The following RNASEH2A variants were observed in gnomAD, a reference collection of about 807,000 sequenced individuals.
RNASEH2A encodes ribonuclease H2 subunit A.
RNASEH2A carries 30 observed loss-of-function variants against 32.7 expected under a neutral mutation model. That is an observed-to-expected ratio of 0.92 (90% CI 0.69 to 1.25). The LOEUF (loss-of-function observed/expected upper bound fraction) is 1.25. Among genes scored for constraint, RNASEH2A ranks in the 50% most tolerant of loss-of-function variants. RNASEH2A has a pLI of 0.00. For synonymous variants in RNASEH2A, 147 were observed against 165.4 expected (o/e 0.89, Z 0.86); for missense variants, 409 against 398.1 (o/e 1.03, Z -0.23).
At chr19:12,807,651 G>T in intron 4 of RNASEH2A, 145 bp downstream of exon 4, 1 of 775,176 alleles carries the variant, frequency 1.3e-6, no homozygotes, top group Non-Finnish European at 2.2e-6. Flanking sequence ...AAAAATGGAG[G>T]CAGGGCGCAG....
In RNASEH2A at chr19:12,810,153, A is replaced by G; in HGVS notation, c.494A>G (p.Lys165Arg). The change falls in exon 5 of 8, where the codon AAG (lysine) becomes AGG (arginine). Residue 165 changes from lysine (K) to arginine (R), a missense_variant. By Grantham distance (26) the Lys-to-Arg change is conservative. Coordinates refer to ENST00000221486, the MANE Select transcript of RNASEH2A (RefSeq NM_006397.3). ...QSFPGIEVTVKAKADALYPVV... is the reference protein window; with the variant it reads ...QSFPGIEVTVRAKADALYPVV... Reference sequence around the variant, plus strand: ...TTTCCCGGGATTGAGGTGACGGTCAAGGCCAAAGCAGATGCCCTCTACCCG... The same window carrying G: ...TTTCCCGGGATTGAGGTGACGGTCAGGGCCAAAGCAGATGCCCTCTACCCG... The G allele has an allele frequency of 6.2e-7, 1 of 1,614,244 alleles. No individual in the cohort carries two copies. The highest frequency in any genetic ancestry group is 1.1e-5 in the South Asian group (1 of 91,086).
At chr19:12,807,350 G>A (rs774243728) in intron 3 of RNASEH2A, 21 bp downstream of exon 3, 1 of 1,614,052 alleles carries the variant, frequency 6.2e-7, no homozygotes, top group Non-Finnish European at 8.5e-7. Flanking sequence ...CCCGGGAGGG[G>A]CAGCCAGCAT....
intron 4 of RNASEH2A, among the ~76,000 whole-genome samples, chr19:12,809,270 A>C (rs1969039222): frequency 6.6e-6 from 1 of 152,218 alleles, no homozygotes; most frequent in African/African-American, 2.4e-5. Context: ...CAAAAAATAA[A>C]GGTTGTTTCT....
intron 3 of RNASEH2A, 41 bp from the exon 4 acceptor site, chr19:12,807,378 T>C: frequency 1.2e-6 from 2 of 1,614,150 alleles, no homozygotes; most frequent in Non-Finnish European, 8.5e-7. Flanking sequence ...CCAAGCTTTG[T>C]TCCTAGAATG....
intron 1 of RNASEH2A, 56 bp from the exon 2 acceptor site, chr19:12,806,952 C>A: frequency 6.2e-7 from 1 of 1,608,040 alleles, no homozygotes; most frequent in Non-Finnish European, 8.5e-7. Context: ...TGGCAACTTT[C>A]ACGGGCTCAG....
chr19:12,812,539 A>C (rs1969088680), intron 6 of RNASEH2A, among the ~76,000 whole-genome samples: 2 of 152,102 alleles, frequency 1.3e-5, no homozygotes, highest in South Asian at 4.1e-4. Flanking sequence ...TTCAAAAAAT[A>C]AGTAAATAAA....
chr19:12,808,758 C>T (rs748364497), intron 4 of RNASEH2A, among the ~76,000 whole-genome samples: 2 of 152,116 alleles, frequency 1.3e-5, no homozygotes, highest in Non-Finnish European at 2.9e-5. Context: ...AAGAATGGAC[C>T]GTTCTGAGAG....
intron 6 of RNASEH2A, among the ~76,000 whole-genome samples, chr19:12,811,687 G>T (rs1969074052): frequency 6.6e-6 from 1 of 151,904 alleles, no homozygotes; most frequent in African/African-American, 2.4e-5. Context: ...GGAGGCTGAG[G>T]CAGGTGGATC....
chr19:12,810,246 C>G lies in RNASEH2A; in HGVS notation c.549+38C>G, dbSNP rs202114154. 3.9e-3 allele frequency: 6,308 copies of G among 1,614,170 alleles called. 18 individuals are homozygous for G. The highest frequency in any genetic ancestry group is 6.6e-3 in the Middle Eastern group (40 of 6,062). On this transcript the variant is annotated intron_variant, in intron 5 of 7. Transcript: ENST00000221486. ...CTAGCCATGGCTGGCTTCCACCATC[C>G]CACTATATAGGGGCCAGGCATGGCC...
intron 6 of RNASEH2A, among the ~76,000 whole-genome samples, chr19:12,812,776 G>T (rs543535702): frequency 1.3e-5 from 2 of 152,232 alleles, no homozygotes; most frequent in South Asian, 2.1e-4. Context: ...GGAGGCCGAG[G>T]GGGGTAGATC....
chr19:12,807,938 A>G (rs1432061737), intron 4 of RNASEH2A: 3 of 219,700 alleles, frequency 1.4e-5, no homozygotes, highest in Non-Finnish European at 2.8e-5. Context: ...TCTCAAAAAA[A>G]TAAAAAATAA....
At chr19:12,812,620 T>C (rs535699051) in intron 6 of RNASEH2A, among the ~76,000 whole-genome samples, 59 of 152,308 alleles carry the variant, frequency 3.9e-4, no homozygotes, top group Middle Eastern at 3.4e-3. Context: ...TGCACTGCCC[T>C]TTTAGCAGCT....
rs1969007258 is a variant in RNASEH2A at position 12,807,238 on chromosome 19, A to G, written c.232A>G (p.Arg78Gly). 1.9e-6 allele frequency: 3 copies of G among 1,614,186 alleles called. No individual in the cohort carries two copies. Among genetic ancestry groups the G allele is most frequent in the East Asian group, 2.2e-5 (1 of 44,884 alleles). Reference protein sequence around the residue: ...SKTLLESERERLFAKMEDTDF... With the variant: ...SKTLLESEREGLFAKMEDTDF... ...GACCCTATTGGAGAGCGAGCGGGAA[A>G]GGCTGTTTGCGAAAATGGAGGACAC... The change falls in exon 3 of 8, where the codon AGG (arginine) becomes GGG (glycine). Residue 78 changes from arginine to glycine, a missense_variant. Arg to Gly is a moderately radical substitution (Grantham distance 125). Coordinates refer to ENST00000221486, the MANE Select transcript of RNASEH2A (RefSeq NM_006397.3).
intron 1 of RNASEH2A, 55 bp from the exon 2 acceptor site, chr19:12,806,953 A>C: frequency 6.2e-7 from 1 of 1,608,422 alleles, no homozygotes; most frequent in Non-Finnish European, 8.5e-7. Flanking sequence ...GGCAACTTTC[A>C]CGGGCTCAGT....
In RNASEH2A at chr19:12,813,405, G is replaced by A. The variant is rs756346898; in HGVS notation, c.839G>A (p.Arg280His). 45 of 1,614,000 alleles carry A rather than the reference G, an allele frequency of 2.8e-5. No individual in the cohort carries two copies. Among genetic ancestry groups the A allele is most frequent in the Admixed American group, 2.7e-4 (16 of 59,972 alleles). ...TTCCTCAATGAAGGGTCCCAAGCCC[G>A]TCCCCGTTCTTCCCACCGATATTTC... is the stretch of plus-strand genomic sequence containing the variant. ...SYFLNEGSQA[R>H]PRSSHRYFLE... is the part of the protein sequence containing the mutation. The change falls in exon 8 of 8, where the codon CGT (arginine) becomes CAT (histidine). Residue 280 changes from arginine (R) to histidine (H), a missense_variant. Transcript: ENST00000221486.
In RNASEH2A at chr19:12,813,516, T is replaced by G; in HGVS notation, c.*50T>G. 6.2e-7 allele frequency: 1 copy of G among 1,606,776 alleles called. No individual in the cohort carries two copies. Among genetic ancestry groups the G allele is most frequent in the Non-Finnish European group, 8.5e-7 (1 of 1,179,604 alleles). ...GCTTCCCCAACCCAGACATTAAAAT[T>G]GTTTAAGGAGAACCACACGTAGGGG... On this transcript the variant is annotated 3_prime_UTR_variant, in exon 8 of 8. Transcript: ENST00000221486.
At position 12,813,459 on chromosome 19, in the gene RNASEH2A, G is replaced by A. The variant is rs1969105697; in HGVS notation, c.893G>A (p.Ser298Asn). ...GAACGCGGCCTGGAGTCAGCAACCA[G>A]CCTCTAGCAGCTGCCTCTACGCGCT... ...FLERGLESAT[S>N]L Residue 298 changes from serine (S) to asparagine (N), a missense_variant, in exon 8 of 8, where the codon AGC becomes AAC. Ser to Asn is a conservative substitution (Grantham distance 46). Transcript: ENST00000221486. The A allele has an allele frequency of 6.2e-7, 1 of 1,613,338 alleles. No homozygotes were observed. Among genetic ancestry groups the A allele is most frequent in the East Asian group, 2.2e-5 (1 of 44,878 alleles).
At chr19:12,813,055 A>T (rs368588024) in intron 6 of RNASEH2A, 28 bp from the exon 7 acceptor site, 1 of 1,613,112 alleles carries the variant, frequency 6.2e-7, no homozygotes. Context: ...TGCAACTTGG[A>T]CTGTCACCAT....
chr19:12,813,237 T>TAGGG, intron 7 of RNASEH2A, 31 bp downstream of exon 7: 1 of 1,613,810 alleles, frequency 6.2e-7, no homozygotes, highest in Non-Finnish European at 8.5e-7. Context: ...GGGGGTGCTA[T>TAGGG]AGGGAAGGAA....
Sources: allele counts gnomAD v4.1 joint callset (sites outside exome capture counted in the v4.1 genomes callset), GRCh38; gene constraint gnomAD v4.1.1; transcripts MANE v1.5; gene names NCBI Gene and HGNC (gene_info 2026-07-23, HGNC 2026-07-21).